ZNF155: variants seen among roughly 807,000 people sequenced by gnomAD.
ZNF155 encodes zinc finger protein 155.
ZNF155 carries 15 observed loss-of-function variants against 11.9 expected under a neutral mutation model. That is an observed-to-expected ratio of 1.26 (90% confidence interval 0.84 to 1.94). ZNF155 has a LOEUF of 1.94. ZNF155 is among the 30% of genes most tolerant of loss of function. ZNF155 has a pLI of 0.00. For synonymous variants in ZNF155, 212 were observed against 219.9 expected, an observed-to-expected ratio of 0.96 and a Z score of 0.32; for missense variants, 602 against 639.1, an observed-to-expected ratio of 0.94 and a Z score of 0.63.
intron 1 of ZNF155, among the ~76,000 whole-genome samples, chr19:43,984,836 T>A (rs879330447): frequency 3.3e-5 from 5 of 152,144 alleles, no homozygotes; most frequent in Non-Finnish European, 7.3e-5. Context: ...GACCTCTTTT[T>A]AGGAAGGCGT....
chr19:43,995,538 C>T (rs540214196), intron 4 of ZNF155, among the ~76,000 whole-genome samples: 11 of 151,860 alleles, frequency 7.2e-5, no homozygotes, highest in African/African-American at 2.7e-4. Context: ...AGTGCACGAC[C>T]ACACCTGGCT....
chr19:43,991,617 C>G lies in ZNF155; in HGVS notation c.85C>G (p.Gln29Glu), dbSNP rs1310868114. 1.2e-6 allele frequency: 2 copies of G among 1,613,954 alleles called. No individual in the cohort carries two copies. Among genetic ancestry groups the G allele is most frequent in the Non-Finnish European group, 1.7e-6 (2 of 1,179,986 alleles). Residue 29 changes from glutamine to glutamate, a missense_variant, in exon 3 of 5, where the codon CAG (glutamine) becomes GAG (glutamate). Gln to Glu is a conservative substitution (Grantham distance 29, BLOSUM62 2). Coordinates refer to ENST00000270014, the MANE Select transcript of ZNF155 (RefSeq NM_198089.3). ...EEELGLLDPA[Q>E]RKLYRDVMLE... The stretch of plus-strand genomic sequence containing the variant: ...GGAGCTGGGGCTGCTGGACCCTGCC[C>G]AGAGGAAGCTGTACCGAGATGTGAT...
intron 1 of ZNF155, among the ~76,000 whole-genome samples, chr19:43,984,951 A>G (rs908757977): frequency 6.6e-6 from 1 of 152,198 alleles, no homozygotes; most frequent in African/African-American, 2.4e-5. Context: ...TGACTTTTCT[A>G]AAAGAGCTGC....
chr19:43,988,551 C>T lies in ZNF155; in HGVS notation c.8C>T (p.Thr3Ile), dbSNP rs1342881413. Residue 3 changes from threonine (T) to isoleucine (I), a missense_variant, in exon 2 of 5, where the codon ACA (threonine) becomes ATA (isoleucine). Physicochemically the swap from Thr to Ile is moderately conservative, Grantham distance 89. Transcript: ENST00000270014. MTTFKEAVTFKDV... is the reference protein window; with the variant it reads MTIFKEAVTFKDV... Reference sequence around the variant, plus strand: ...CCCAAAGTAGGAGGAAAAATGACCACATTCAAGGTGAGGGGGGCGTGCCTC... The same window carrying T: ...CCCAAAGTAGGAGGAAAAATGACCATATTCAAGGTGAGGGGGGCGTGCCTC... The T allele has an allele frequency of 1.9e-6, 3 of 1,604,916 alleles. No homozygotes were observed. In the South Asian group the frequency reaches 3.3e-5, roughly 18 times the overall value.
At chr19:43,989,617 T>A (rs1308918295) in intron 2 of ZNF155, among the ~76,000 whole-genome samples, 1 of 152,196 alleles carries the variant, frequency 6.6e-6, no homozygotes, top group Non-Finnish European at 1.5e-5. Context: ...TGTGGAGTGA[T>A]GGTGTCCCTA....
In ZNF155 at chr19:43,997,047, A is replaced by G; in HGVS notation, c.1190A>G (p.Glu397Gly). 6.2e-7 allele frequency: 1 copy of G among 1,613,886 alleles called. No individual in the cohort carries two copies. The highest frequency in any genetic ancestry group is 8.5e-7 in the Non-Finnish European group (1 of 1,179,832). The change falls in exon 5 of 5, where the codon GAA becomes GGA. Residue 397 changes from glutamate (E) to glycine (G), a missense_variant. Glu to Gly is a moderately conservative substitution (Grantham distance 98, BLOSUM62 -2). Transcript: ENST00000270014. ...AACCATCAGCGAGTCCACAGTGGAG[A>G]AAAAAGCTTCAAATGTGAAGAATGT... The part of the protein sequence containing the change: ...LLNHQRVHSG[E>G]KSFKCEECGK...
At position 43,997,293 on chromosome 19, in the gene ZNF155, G is replaced by T. The variant is rs1975933830; in HGVS notation, c.1436G>T (p.Cys479Phe). 1.9e-6 allele frequency: 3 copies of T among 1,613,958 alleles called. No individual in the cohort carries two copies. Among genetic ancestry groups the T allele is most frequent in the Non-Finnish European group, 1.7e-6 (2 of 1,180,004 alleles). Reference sequence around the variant, plus strand: ...ATTTTGAATCATAAGAGACTCCACTGCCAGAAAAAACCATTCAAATGTGAG... The same window carrying T: ...ATTTTGAATCATAAGAGACTCCACTTCCAGAAAAAACCATTCAAATGTGAG... ...SSILNHKRLH[C>F]QKKPFKCEDC... The change falls in exon 5 of 5, where the codon TGC becomes TTC. Residue 479 changes from cysteine (C) to phenylalanine (F), a missense_variant. Cys to Phe is a radical substitution (Grantham distance 205). Coordinates refer to ENST00000270014, the MANE Select transcript of ZNF155 (RefSeq NM_198089.3).
intron 4 of ZNF155, among the ~76,000 whole-genome samples, chr19:43,992,900 C>G (rs963485559): frequency 1.3e-5 from 2 of 152,218 alleles, no homozygotes; most frequent in Non-Finnish European, 2.9e-5. Context: ...ACCCACGTCC[C>G]GTGGAAACTT....
Position 43,989,474 on chromosome 19 carries a change from T to A in ZNF155, c.15+916T>A, listed in dbSNP as rs183469511. ...TGAACAGGTGAAATATGAGAAACCT[T>A]CTCAGGTGTACACAGGCAACCAAAG... On this transcript the variant is annotated intron_variant, in intron 2 of 4. Coordinates refer to ENST00000270014, the MANE Select transcript of ZNF155 (RefSeq NM_198089.3). Among the ~76,000 whole-genome samples, 147 of 152,308 alleles carry A rather than the reference T, an allele frequency of 9.7e-4. 1 individual carries two copies. The highest frequency in any genetic ancestry group is 3.4e-3 in the African/African-American group (140 of 41,562).
chr19:43,988,575 T>C lies in ZNF155; in HGVS notation c.15+17T>C, dbSNP rs1375862374. ...ACATTCAAGGTGAGGGGGGCGTGCC[T>C]CTCTCGCTGTTAAAATTCCATGTCA... is the stretch of plus-strand genomic sequence containing the variant. On this transcript the variant is annotated intron_variant, in intron 2 of 4. Transcript: ENST00000270014. The C allele has an allele frequency of 4.4e-6, 7 of 1,595,374 alleles. No individual in the cohort carries two copies. The highest frequency in any genetic ancestry group is 6.0e-6 in the Non-Finnish European group (7 of 1,168,796).
intron 2 of ZNF155, among the ~76,000 whole-genome samples, chr19:43,989,682 A>G (rs1478877161): frequency 1.3e-5 from 2 of 152,150 alleles, no homozygotes; most frequent in African/African-American, 4.8e-5. Context: ...ACATGTCACT[A>G]TGACATGGCA....
At chr19:43,984,747 C>G (rs1975373169) in intron 1 of ZNF155, among the ~76,000 whole-genome samples, 1 of 152,112 alleles carries the variant, frequency 6.6e-6, no homozygotes, top group Non-Finnish European at 1.5e-5. Context: ...GGTCAGGTGC[C>G]CGGGTGGGGT....
In ZNF155 at chr19:43,991,551, G is replaced by C; in HGVS notation, c.19G>C (p.Ala7Pro). The change falls in exon 3 of 5, where the codon GCA becomes CCA. Residue 7 changes from alanine (A) to proline (P), a missense_variant. Ala to Pro is a conservative substitution (Grantham distance 27, BLOSUM62 -1). Transcript: ENST00000270014. ...TTATGTCTTCTTGATGTTGTAGGAGGCAGTGACCTTCAAGGATGTGGCTGT... is the reference window on the plus strand; with the variant it reads ...TTATGTCTTCTTGATGTTGTAGGAGCCAGTGACCTTCAAGGATGTGGCTGT... Reference protein sequence around the residue: MTTFKEAVTFKDVAVVF... With the variant: MTTFKEPVTFKDVAVVF... The C allele has an allele frequency of 6.2e-7, 1 of 1,614,104 alleles. No individual in the cohort carries two copies. Among genetic ancestry groups the C allele is most frequent in the Non-Finnish European group, 8.5e-7 (1 of 1,180,012 alleles).
In ZNF155 at chr19:43,996,856, G is replaced by T; in HGVS notation, c.999G>T (p.Arg333Ser). Residue 333 changes from arginine to serine, a missense_variant, in exon 5 of 5, where the codon AGG becomes AGT. Arg to Ser is a moderately radical substitution (Grantham distance 110). Transcript: ENST00000270014. Reference protein sequence around the residue: ...KSFHQRSALNRHCMVHTGEKP... With the variant: ...KSFHQRSALNSHCMVHTGEKP... ...TTCATCAGAGATCAGCACTTAATAG[G>T]CATTGCATGGTCCACACAGGAGAGA... 6.2e-7 allele frequency: 1 copy of T among 1,613,774 alleles called. No individual in the cohort carries two copies. The highest frequency in any genetic ancestry group is 8.5e-7 in the Non-Finnish European group (1 of 1,179,962).
intron 4 of ZNF155, among the ~76,000 whole-genome samples, chr19:43,995,013 C>G (rs1449917423): frequency 1.3e-5 from 2 of 152,178 alleles, no homozygotes; most frequent in African/African-American, 2.4e-5. Flanking sequence ...TTCAAGCCAA[C>G]CAAGACACTC....
chr19:43,988,307 A>G (rs1305004795), intron 1 of ZNF155, among the ~76,000 whole-genome samples, 152 bp from the exon 2 acceptor site: 3 of 152,122 alleles, frequency 2.0e-5, no homozygotes, highest in Non-Finnish European at 4.4e-5. Flanking sequence ...AAATTTCCAA[A>G]TAAGATTCCA....
In ZNF155 at chr19:43,997,268, AT is replaced by A. The variant is rs753673863; in HGVS notation, c.1415del (p.Leu472Ter). 3.7e-6 allele frequency: 6 copies of A among 1,614,136 alleles called. No individual in the cohort carries two copies. The highest frequency in any genetic ancestry group is 5.1e-6 in the Non-Finnish European group (6 of 1,180,010). On this transcript the variant is annotated frameshift_variant, in exon 5 of 5. Transcript: ENST00000270014. LOFTEE classifies it low-confidence loss of function (END_TRUNC). ...GAAGAACTTTAGCCGGGCCTCAAGTATTTTGAATCATAAGAGACTCCACTGC... is the reference window on the plus strand; with the variant it reads ...GAAGAACTTTAGCCGGGCCTCAAGTATTTGAATCATAAGAGACTCCACTGC... Reference protein sequence around the residue: ...CGKNFSRASSILNHKRLHCQK... With the variant: ...CGKNFSRASSXLNHKRLHCQK...
In ZNF155 at chr19:43,997,587, T is replaced by A. The variant is rs1975953932; in HGVS notation, c.*113T>A. 5.7e-6 allele frequency: 6 copies of A among 1,057,844 alleles called. No individual in the cohort carries two copies. Among genetic ancestry groups the A allele is most frequent in the Admixed American group, 3.0e-5 (1 of 32,810 alleles). The allele number at this position is 1,057,844 out of a possible 1,614,324, so 65.5% of individuals were successfully genotyped here. A position where few individuals can be genotyped will look rare whatever the true frequency, so the allele number is the denominator to read the frequency against. Reference sequence around the variant, plus strand: ...ACCTCAAACATTTACCATTTCTTTGTGTTGGAAAATTCAAAATCCATTTGA... The same window carrying A: ...ACCTCAAACATTTACCATTTCTTTGAGTTGGAAAATTCAAAATCCATTTGA... On this transcript the variant is annotated 3_prime_UTR_variant, in exon 5 of 5. Transcript: ENST00000270014.
rs1271191366 is a variant in ZNF155, at chr19:43,997,107, C to T, written c.1250C>T (p.Ser417Phe). ...KGFYTNSQLSSHQRSHSGEKP... is the reference protein window; with the variant it reads ...KGFYTNSQLSFHQRSHSGEKP... ...TTTTATACAAATTCACAACTGTCTTCCCATCAGAGATCCCACAGTGGTGAA... is the reference window on the plus strand; with the variant it reads ...TTTTATACAAATTCACAACTGTCTTTCCATCAGAGATCCCACAGTGGTGAA... The change falls in exon 5 of 5, where the codon TCC becomes TTC. Residue 417 changes from serine to phenylalanine, a missense_variant. Coordinates refer to ENST00000270014, the MANE Select transcript of ZNF155 (RefSeq NM_198089.3). 1 of 1,613,404 alleles carries T rather than the reference C, an allele frequency of 6.2e-7. No homozygotes were observed. The highest frequency in any genetic ancestry group is 8.5e-7 in the Non-Finnish European group (1 of 1,179,436).
Sources: allele counts gnomAD v4.1 joint callset (sites outside exome capture counted in the v4.1 genomes callset), GRCh38; gene constraint gnomAD v4.1.1; transcripts MANE v1.5; gene names NCBI Gene and HGNC (gene_info 2026-07-23, HGNC 2026-07-21).